The following ZNF28 variants were observed in gnomAD, a reference collection of about 807,000 sequenced individuals.
The protein encoded by ZNF28 is zinc finger protein 28, also known as zinc finger protein KOX24.
In ZNF28, 5 loss-of-function variants were observed where a neutral mutation model predicts 7.2. The observed-to-expected ratio is 0.70, with a 90% CI of 0.36 to 1.46. The LOEUF (loss-of-function observed/expected upper bound fraction) is 1.46. Ranked by LOEUF, ZNF28 falls within the 40% of genes most tolerant of loss-of-function variation. ZNF28 has a pLI of 0.03. For missense variants in ZNF28, 879 were observed against 866.6 expected (o/e 1.01, Z -0.18); for synonymous variants, 288 against 292.4 (o/e 0.99, Z 0.15).
intron 2 of ZNF28, among the ~76,000 whole-genome samples, chr19:52,813,867 T>G (rs1475342040): frequency 6.8e-6 from 1 of 146,106 alleles, no homozygotes; most frequent in Non-Finnish European, 1.5e-5. Flanking sequence ...TTCCTTTGCC[T>G]TTTTTCCCTT....
chr19:52,800,195 C>G lies in ZNF28; in HGVS notation c.1650G>C (p.Pro550=). ...CTTTCTCACATTCTTCACATTTGTA[C>G]GGTTTCTCTGCAGTATGAAGTTTAT... is the stretch of plus-strand genomic sequence containing the variant. ...CHHKLHTAEK[P]YKCEECEKVF... The change falls in exon 4 of 4, where the codon CCG becomes CCC. Residue 550 remains proline (P), a synonymous_variant. Transcript: ENST00000457749. The G allele has an allele frequency of 6.2e-7, 1 of 1,606,574 alleles. No homozygotes were observed. Among genetic ancestry groups the G allele is most frequent in the Admixed American group, 1.7e-5 (1 of 59,296 alleles).
At chr19:52,810,220 T>C (rs557799863) in intron 2 of ZNF28, 2 of 1,126,912 alleles carry the variant, frequency 1.8e-6, no homozygotes, top group African/African-American at 1.5e-5. Context: ...CAGAACGACG[T>C]AGAGAAGCAG....
In ZNF28 at chr19:52,815,102, TA is replaced by T. The variant is rs1396967008; in HGVS notation, c.15+2841del. Among the ~76,000 whole-genome samples the T allele has an allele frequency of 2.9e-4, 9 of 30,582 alleles. 1 individual carries two copies. The highest frequency in any genetic ancestry group is 7.2e-4 in the African/African-American group (9 of 12,478). 20.1% of individuals were successfully genotyped at this position (30,582 alleles called of 152,430 possible). A position where few individuals can be genotyped will look rare whatever the true frequency, so the allele number is the denominator to read the frequency against. Reference sequence around the variant, plus strand: ...GTGTATGTGTGTGTATATATATATTTATATATATATATAAAGGTTTTTAAAA... The same window carrying T: ...GTGTATGTGTGTGTATATATATATTTTATATATATATAAAGGTTTTTAAAA... On this transcript the variant is annotated intron_variant, in intron 2 of 3. Transcript: ENST00000457749.
At chr19:52,812,258 G>A (rs1321107779) in intron 2 of ZNF28, among the ~76,000 whole-genome samples, 6 of 139,294 alleles carry the variant, frequency 4.3e-5, no homozygotes, top group African/African-American at 6.3e-5. Flanking sequence ...ACCCCGTCTG[G>A]GAGGTGTGCC....
chr19:52,817,919 C>T (rs780578973), intron 2 of ZNF28, 25 bp downstream of exon 2: 2 of 1,609,674 alleles, frequency 1.2e-6, no homozygotes, highest in Admixed American at 1.7e-5. Context: ...GGAGACAGAG[C>T]AATCCACCGA....
chr19:52,809,940 GC>G (rs993238936), intron 2 of ZNF28: 6 of 853,244 alleles, frequency 7.0e-6, no homozygotes, highest in Non-Finnish European at 9.7e-6. Context: ...CGGGGAGGTT[GC>G]CCCGGGGGGC....
At position 52,808,105 on chromosome 19, in the gene ZNF28, A is replaced by G. The variant is rs2062960307; in HGVS notation, c.44T>C (p.Ile15Thr). 6.2e-7 allele frequency: 1 copy of G among 1,613,376 alleles called. No homozygotes were observed. Among genetic ancestry groups the G allele is most frequent in the Non-Finnish European group, 8.5e-7 (1 of 1,179,456 alleles). The change falls in exon 3 of 4, where the codon ATA becomes ACA. Residue 15 changes from isoleucine (I) to threonine (T), a missense_variant. Transcript: ENST00000457749. ...QGLLTFRDVAIEFSQEEWKCL... is the reference protein window; with the variant it reads ...QGLLTFRDVATEFSQEEWKCL... Reference sequence around the variant, plus strand: ...TTTCCACTCCTCCTGAGAGAATTCTATGGCCACGTCCCTGAATGTCAATAG... The same window carrying G: ...TTTCCACTCCTCCTGAGAGAATTCTGTGGCCACGTCCCTGAATGTCAATAG...
intron 2 of ZNF28, among the ~76,000 whole-genome samples, chr19:52,815,454 T>C (rs1194129049): frequency 3.5e-5 from 5 of 144,880 alleles, no homozygotes; most frequent in African/African-American, 1.4e-4. Context: ...GAGGTAGAGG[T>C]TGCAGTGAGC....
At chr19:52,808,830 G>A (rs1041261072) in intron 2 of ZNF28, among the ~76,000 whole-genome samples, 1 of 151,416 alleles carries the variant, frequency 6.6e-6, no homozygotes, top group African/African-American at 2.4e-5. Context: ...AATAAAATAC[G>A]TGAAAACAAA....
intron 3 of ZNF28, among the ~76,000 whole-genome samples, chr19:52,806,807 C>T (rs1458780190): frequency 6.6e-6 from 1 of 151,950 alleles, no homozygotes; most frequent in Non-Finnish European, 1.5e-5. Context: ...GAATCTGGGG[C>T]ATAAGCATCC....
At position 52,800,861 on chromosome 19, in the gene ZNF28, T is replaced by A. The variant is rs565701009; in HGVS notation, c.984A>T (p.Lys328Asn). Reference sequence around the variant, plus strand: ...TGAAAGCTTTGTCACAAACCTTACATTTGTATGGTTTCCCTCCAGTATAAA... The same window carrying A: ...TGAAAGCTTTGTCACAAACCTTACAATTGTATGGTTTCCCTCCAGTATAAA... ...KIIYTGGKPYKCKVCDKAFTC... is the reference protein window; with the variant it reads ...KIIYTGGKPYNCKVCDKAFTC... The change falls in exon 4 of 4, where the codon AAA becomes AAT. Residue 328 changes from lysine (K) to asparagine (N), a missense_variant. Lys to Asn is a moderately conservative substitution (Grantham distance 94, BLOSUM62 0). Transcript: ENST00000457749. The A allele has an allele frequency of 6.2e-7, 1 of 1,613,984 alleles. No homozygotes were observed. The highest frequency in any genetic ancestry group is 1.7e-5 in the Admixed American group (1 of 59,998).
At position 52,797,946 on chromosome 19, in the gene ZNF28, C is replaced by T. The variant is rs1002303267; in HGVS notation, c.*1742G>A. On this transcript the variant is annotated 3_prime_UTR_variant, in exon 4 of 4. Transcript: ENST00000457749. ...GACCATCCAGGCTAACACAGCGAAA[C>T]CCAGTCTCTACTAAAAATACAAAAA... 6.6e-6 allele frequency: 1 copy of T among 152,040 alleles called. No individual in the cohort carries two copies. The highest frequency in any genetic ancestry group is 1.5e-5 in the Non-Finnish European group (1 of 68,034). 9.4% of individuals were successfully genotyped at this position (152,040 alleles called of 1,614,324 possible).
rs541971752 is a variant in ZNF28 at position 52,820,397 on chromosome 19, G to T, written c.-74+1189C>A. Among the ~76,000 whole-genome samples, 6 of 143,258 alleles carry T rather than the reference G, an allele frequency of 4.2e-5. No homozygotes were observed. The East Asian group carries it at 1.2e-3, about 29-fold the overall frequency. The allele number at this position is 143,258 out of a possible 152,430, so 94.0% of individuals were successfully genotyped here. On this transcript the variant is annotated intron_variant, in intron 1 of 3. Transcript: ENST00000457749. The stretch of plus-strand genomic sequence containing the variant: ...CTCCCAAAGTGCTGGGATTACAGGC[G>T]TGAGCCACCGCGCCCGGCCCTTATT...
rs559688821 is a variant in ZNF28, at chr19:52,808,713, C to T, written c.16-580G>A. 1.8e-4 allele frequency among the ~76,000 whole-genome samples: 27 copies of T among 151,506 alleles called. No homozygotes were observed. In the East Asian group the frequency reaches 5.2e-3, roughly 29 times the overall value. ...CCTGCGGTCCCAGCTACTTGGAAGG[C>T]TAAGGAGGGAGGATGGCTTGACCCT... On this transcript the variant is annotated intron_variant, in intron 2 of 3. Transcript: ENST00000457749.
chr19:52,811,180 T>C (rs556764105), intron 2 of ZNF28, among the ~76,000 whole-genome samples: 7,043 of 150,400 alleles, frequency 0.047, 291 homozygotes, highest in African/African-American at 0.1. Context: ...AGATGGAGTC[T>C]CGTTCACTCA....
At chr19:52,801,778 C>CA in intron 3 of ZNF28, 76 bp from the exon 4 acceptor site, 1 of 1,338,230 alleles carries the variant, frequency 7.5e-7, no homozygotes, top group Non-Finnish European at 1.0e-6. Flanking sequence ...AAATATGACA[C>CA]AAAAAACAAT....
In ZNF28 at chr19:52,798,774, A is replaced by T. The variant is rs149207502; in HGVS notation, c.*914T>A. The T allele has an allele frequency of 1.3e-4, 87 of 671,946 alleles. No homozygotes were observed. The highest frequency in any genetic ancestry group is 2.1e-4 in the Non-Finnish European group (83 of 388,666). 41.6% of individuals were successfully genotyped at this position (671,946 alleles called of 1,614,324 possible). On this transcript the variant is annotated 3_prime_UTR_variant, in exon 4 of 4. Transcript: ENST00000457749. ...CTGTCACATTTATTACACTTGTAAG[A>T]TCTCTCATTATGGATTCTCCAATGA...
chr19:52,808,645 A>T (rs1028409521), intron 2 of ZNF28, among the ~76,000 whole-genome samples: 15 of 142,560 alleles, frequency 1.1e-4, no homozygotes, highest in African/African-American at 3.8e-4. Context: ...AAAAAAAATT[A>T]AAAAAAAAAA....
chr19:52,814,084 G>A (rs73592011), intron 2 of ZNF28, among the ~76,000 whole-genome samples: 1,512 of 146,372 alleles, frequency 0.01, 263 homozygotes, highest in African/African-American at 0.037. Context: ...GCCTCATAAT[G>A]CTGCAGAAAT....
Sources: allele counts gnomAD v4.1 joint callset (sites outside exome capture counted in the v4.1 genomes callset), GRCh38; gene constraint gnomAD v4.1.1; transcripts MANE v1.5; gene names NCBI Gene and HGNC (gene_info 2026-07-23, HGNC 2026-07-21).